The following EHD3 variants were observed in gnomAD, a reference collection of about 807,000 sequenced individuals.
EHD3 encodes EH domain-containing protein 3.
A neutral mutation model predicts 43.0 loss-of-function variants in EHD3; 17 were observed. That is an observed-to-expected ratio of 0.40 (90% confidence interval 0.27 to 0.59). The LOEUF (loss-of-function observed/expected upper bound fraction) is 0.59. Ranked by LOEUF, EHD3 falls within the 20% of genes least tolerant of loss-of-function variation. The probability of loss-of-function intolerance (pLI) is 0.49; values close to 1 mark genes in which losing one functional copy is unlikely to be tolerated. For synonymous variants in EHD3, 313 were observed against 289.5 expected (o/e 1.08, Z -0.82); for missense variants, 594 against 705.6 (o/e 0.84, Z 1.79).
At chr2:31,263,164 A>C (rs1683885970) in intron 5 of EHD3, among the ~76,000 whole-genome samples, 1 of 152,214 alleles carries the variant, frequency 6.6e-6, no homozygotes, top group African/African-American at 2.4e-5. Flanking sequence ...TCATATAACC[A>C]CCTACCACGA....
intron 2 of EHD3, among the ~76,000 whole-genome samples, chr2:31,246,680 C>T (rs538922299): frequency 6.6e-6 from 1 of 152,106 alleles, no homozygotes; most frequent in Non-Finnish European, 1.5e-5. Flanking sequence ...TCAAACCCAG[C>T]AAGTCTCATT....
At chr2:31,251,703 C>T (rs956191515) in intron 3 of EHD3, among the ~76,000 whole-genome samples, 5 of 152,078 alleles carry the variant, frequency 3.3e-5, no homozygotes. Flanking sequence ...GGAGCTGGAA[C>T]CCCTGGCCTG....
chr2:31,245,399 G>A (rs562760924), intron 2 of EHD3, among the ~76,000 whole-genome samples: 4 of 151,976 alleles, frequency 2.6e-5, no homozygotes, highest in African/African-American at 9.7e-5. Flanking sequence ...GTTAGTGATA[G>A]TGTTACTATG....
chr2:31,265,467 C>T (rs548248587), intron 5 of EHD3, among the ~76,000 whole-genome samples: 4 of 152,316 alleles, frequency 2.6e-5, no homozygotes, highest in South Asian at 2.1e-4. Flanking sequence ...CCTCGTCATA[C>T]GTGTGGTCCC....
rs201019863 is a variant in EHD3 at position 31,249,371 on chromosome 2, G to A, written c.405G>A (p.Arg135=). ...LNAFGNAFLN[R]FVCAQLPNPV... is the part of the protein sequence containing the mutation. Reference sequence around the variant, plus strand: ...ACCCAGGTTACCTCTGCCCATGCAGGTTCGTGTGTGCCCAGCTACCTAACC... The same window carrying A: ...ACCCAGGTTACCTCTGCCCATGCAGATTCGTGTGTGCCCAGCTACCTAACC... Residue 135 remains arginine (R), a splice_region_variant and synonymous_variant, in exon 3 of 6, where the codon AGG becomes AGA. Transcript: ENST00000322054. 58 of 1,613,920 alleles carry A rather than the reference G, an allele frequency of 3.6e-5. No homozygotes were observed. The highest frequency in any genetic ancestry group is 3.9e-5 in the Non-Finnish European group (46 of 1,179,920).
chr2:31,255,138 C>T (rs145049918), intron 3 of EHD3, among the ~76,000 whole-genome samples: 18 of 152,344 alleles, frequency 1.2e-4, no homozygotes, highest in Admixed American at 5.2e-4. Context: ...TCTCCAGGCC[C>T]GGAGCTGGCT....
chr2:31,258,350 C>T (rs1683791343), intron 3 of EHD3, among the ~76,000 whole-genome samples: 1 of 152,150 alleles, frequency 6.6e-6, no homozygotes, highest in Non-Finnish European at 1.5e-5. Context: ...GCAGTGCCTC[C>T]ACACGTCCTA....
At position 31,266,738 on chromosome 2, in the gene EHD3, G is replaced by A. The variant is rs201820295; in HGVS notation, c.*34G>A. ...GGGGACATTCAGACGGGCAGTGTTAGAGGAGGAGATGGGAGCGGTGACTAC... is the reference window on the plus strand; with the variant it reads ...GGGGACATTCAGACGGGCAGTGTTAAAGGAGGAGATGGGAGCGGTGACTAC... On this transcript the variant is annotated 3_prime_UTR_variant, in exon 6 of 6. Coordinates refer to ENST00000322054, the MANE Select transcript of EHD3 (RefSeq NM_014600.3). This position sits in a 1 kb window ranked among gnomAD's most constrained non-coding sequence, Gnocchi z 5.1. 198 of 1,560,196 alleles carry A rather than the reference G, an allele frequency of 1.3e-4. 2 individuals carry two copies. The Middle Eastern group carries it at 2.6e-3, about 20-fold the overall frequency.
chr2:31,261,667 A>G lies in EHD3; in HGVS notation c.1034A>G (p.Glu345Gly). The change falls in exon 5 of 6, where the codon GAG becomes GGG. Residue 345 changes from glutamate (E) to glycine (G), a missense_variant. Glu to Gly is a moderately conservative substitution (Grantham distance 98). Around this residue, in one of 3 missense-constraint regions of EHD3, gnomAD observed 322 missense variants for 348.0 expected, o/e 0.93. Transcript: ENST00000322054. ...LAEIYGRIEREHQISPGDFPN... is the reference protein window; with the variant it reads ...LAEIYGRIERGHQISPGDFPN... ...GAGATCTATGGCCGGATCGAGCGGG[A>G]GCACCAGATCTCACCTGGGGACTTC... 1 of 1,614,200 alleles carries G rather than the reference A, an allele frequency of 6.2e-7. No individual in the cohort carries two copies. Among genetic ancestry groups the G allele is most frequent in the Non-Finnish European group, 8.5e-7 (1 of 1,180,044 alleles).
chr2:31,266,812 A>G lies in EHD3; in HGVS notation c.*108A>G. On this transcript the variant is annotated 3_prime_UTR_variant, in exon 6 of 6. Transcript: ENST00000322054. The surrounding 1 kb of genome is among the most constrained non-coding windows in gnomAD (Gnocchi z 5.1). ...CACACACAAACATGCACACACACAT[A>G]TGCATATCTTGACATTGCTCTGTAG... 2.3e-6 allele frequency: 3 copies of G among 1,326,940 alleles called. No homozygotes were observed. The East Asian group carries it at 7.3e-5, about 32-fold the overall frequency. The allele number at this position is 1,326,940 out of a possible 1,614,324, so 82.2% of individuals were successfully genotyped here.
chr2:31,261,406 G>A, intron 4 of EHD3, 143 bp from the exon 5 acceptor site: 1 of 1,008,912 alleles, frequency 9.9e-7, no homozygotes. Context: ...GAGCCATGAG[G>A]GTAGAGGTAG....
At chr2:31,263,417 A>T (rs1235042515) in intron 5 of EHD3, among the ~76,000 whole-genome samples, 1 of 152,220 alleles carries the variant, frequency 6.6e-6, no homozygotes, top group African/African-American at 2.4e-5. Context: ...AATATGCTGA[A>T]TCCACAATGT....
intron 1 of EHD3, among the ~76,000 whole-genome samples, chr2:31,239,350 G>T (rs1170927152): frequency 2.0e-5 from 3 of 152,192 alleles, no homozygotes; most frequent in Non-Finnish European, 2.9e-5. Flanking sequence ...TGATCTGCTG[G>T]GTCTCTAAAG....
At chr2:31,262,363 G>A (rs1012629278) in intron 5 of EHD3, among the ~76,000 whole-genome samples, 6 of 152,188 alleles carry the variant, frequency 3.9e-5, no homozygotes, top group African/African-American at 1.4e-4. Flanking sequence ...GGGCCCAAAG[G>A]TCCAAGCAGG....
intron 3 of EHD3, among the ~76,000 whole-genome samples, chr2:31,251,842 C>T (rs1271584736): frequency 2.0e-5 from 3 of 152,096 alleles, no homozygotes; most frequent in Non-Finnish European, 2.9e-5. Flanking sequence ...GTTTGTTTGC[C>T]GGAGCACCCC....
intron 5 of EHD3, among the ~76,000 whole-genome samples, chr2:31,265,543 G>A (rs921385573): frequency 1.2e-4 from 19 of 152,208 alleles, no homozygotes; most frequent in African/African-American, 1.7e-4. Context: ...AGGTGACTCC[G>A]ATGAGCATCC....
chr2:31,240,178 A>T (rs633323), intron 1 of EHD3, among the ~76,000 whole-genome samples: 99,412 of 151,840 alleles, frequency 0.65, 33,507 homozygotes, highest in East Asian at 0.84. Context: ...TGCGTTACAG[A>T]CTCCCTCAAA....
chr2:31,234,506 C>A lies in EHD3; in HGVS notation c.-116C>A. 8.1e-7 allele frequency: 1 copy of A among 1,228,622 alleles called. No individual in the cohort carries two copies. The highest frequency in any genetic ancestry group is 1.1e-6 in the Non-Finnish European group (1 of 878,394). The allele number at this position is 1,228,622 out of a possible 1,614,324, so 76.1% of individuals were successfully genotyped here. A position where few individuals can be genotyped will look rare whatever the true frequency, so the allele number is the denominator to read the frequency against. On this transcript the variant is annotated 5_prime_UTR_variant, in exon 1 of 6. Coordinates refer to ENST00000322054, the MANE Select transcript of EHD3 (RefSeq NM_014600.3). ...CGGGCCATGGTGCGGCTGAGCCCCGCGCTTGGGTGAGGCGGCGGCGCGGCT... is the reference window on the plus strand; with the variant it reads ...CGGGCCATGGTGCGGCTGAGCCCCGAGCTTGGGTGAGGCGGCGGCGCGGCT...
rs60849418 is a variant in EHD3, at chr2:31,244,553, G to C, written c.404+103G>C. On this transcript the variant is annotated intron_variant, in intron 2 of 5. Transcript: ENST00000322054. ...AGGGTCTTGGGATGCTTGGTGCCTA[G>C]AGTCTCCTGTCAATCTTTCCATACC... The C allele has an allele frequency of 3.6e-3, 4,582 of 1,270,198 alleles. 136 individuals carry two copies. In the African/African-American group the frequency reaches 0.058, roughly 16 times the overall value. The allele number at this position is 1,270,198 out of a possible 1,614,324, so 78.7% of individuals were successfully genotyped here.
Sources: gnomAD v4.1 joint callset for allele counts (sites outside exome capture counted in the v4.1 genomes callset) on GRCh38, gnomAD v4.1.1 for gene constraint, gnomAD v4.1.1 regional missense constraint, Gnocchi (gnomAD v3.1) non-coding constraint, MANE v1.5 for transcripts, NCBI Gene and HGNC (gene_info 2026-07-23, HGNC 2026-07-21) for gene names.